The following CLCN6 variants were observed in gnomAD, a reference collection of about 807,000 sequenced individuals.
CLCN6 encodes the protein Cl-/H+ antiporter 6, also known as H(+)/Cl(-) exchange transporter 6.
A neutral mutation model predicts 109.8 loss-of-function variants in CLCN6; 70 were observed. The observed-to-expected ratio is 0.64, with a 90% CI of 0.53 to 0.78. CLCN6 has a LOEUF of 0.78. Ranked by LOEUF, CLCN6 falls within the 30% of genes least tolerant of loss-of-function variation. CLCN6 has a pLI of 0.00. For synonymous variants in CLCN6, 444 were observed against 447.8 expected, an observed-to-expected ratio of 0.99 and a Z score of 0.11; for missense variants, 984 against 1,142.3, an observed-to-expected ratio of 0.86 and a Z score of 2.00.
Position 11,834,442 on chromosome 1 carries a change from G to C in CLCN6, c.1687-42G>C. On this transcript the variant is annotated intron_variant, in intron 16 of 22. Coordinates refer to ENST00000346436, the MANE Select transcript of CLCN6 (RefSeq NM_001286.5). The surrounding 1 kb of genome is among the most constrained non-coding windows in gnomAD (Gnocchi z 4.5). ...CCCTGTCAGGCTCAGGGCCACGTCC[G>C]CCCCACAGGACCTATTTTTAGGTCT... The C allele has an allele frequency of 6.2e-7, 1 of 1,613,054 alleles. No individual in the cohort carries two copies. The highest frequency in any genetic ancestry group is 8.5e-7 in the Non-Finnish European group (1 of 1,179,252).
At chr1:11,817,330 AG>A (rs1297705407) in intron 4 of CLCN6, among the ~76,000 whole-genome samples, 2 of 152,198 alleles carry the variant, frequency 1.3e-5, no homozygotes, top group African/African-American at 4.8e-5. Context: ...GCCAGTGAAC[AG>A]GGTGGCACAC....
In CLCN6 at chr1:11,816,616, A is replaced by G. The variant is rs762110634; in HGVS notation, c.215A>G (p.Lys72Arg). ...LEVLETMDNK[K>R]GRRYEAVKWM... ...ATCATTCTTTTCCTGTGTGAACAGA[A>G]AGGTCGAAGATATGAGGCGGTGAAG... Residue 72 changes from lysine to arginine, a missense_variant and splice_region_variant, in exon 4 of 23, where the codon AAA becomes AGA. Transcript: ENST00000346436. The G allele has an allele frequency of 1.2e-5, 19 of 1,612,320 alleles. No homozygotes were observed. The Admixed American group carries it at 3.2e-4, about 27-fold the overall frequency.
intron 4 of CLCN6, among the ~76,000 whole-genome samples, chr1:11,817,983 C>G (rs1205570547): frequency 2.0e-5 from 3 of 151,930 alleles, no homozygotes; most frequent in Non-Finnish European, 4.4e-5. Flanking sequence ...GGTGTTGGGC[C>G]AGGGACGGTG....
chr1:11,822,831 T>G (rs752477818), intron 6 of CLCN6, 30 bp downstream of exon 6: 2 of 1,406,856 alleles, frequency 1.4e-6, no homozygotes, highest in Non-Finnish European at 2.0e-6. Context: ...CCTGCTCGCT[T>G]AGGAGGTTTT....
Position 11,827,232 on chromosome 1 carries a change from C to A in CLCN6, c.840+11C>A. 1 of 1,606,820 alleles carries A rather than the reference C, an allele frequency of 6.2e-7. No individual in the cohort carries two copies. The highest frequency in any genetic ancestry group is 8.5e-7 in the Non-Finnish European group (1 of 1,175,548). The stretch of plus-strand genomic sequence containing the variant: ...CTCACGTGGAAAGTGGTGAGGAGGA[C>A]CTTCAGTGAAAGCATTAACCACACC... On this transcript the variant is annotated intron_variant, in intron 10 of 22. Coordinates refer to ENST00000346436, the MANE Select transcript of CLCN6 (RefSeq NM_001286.5).
At chr1:11,820,521 T>A (rs1644727496) in intron 5 of CLCN6, 1 of 572,804 alleles carries the variant, frequency 1.7e-6, no homozygotes, top group Non-Finnish European at 3.2e-6. Context: ...AATCCCAGCA[T>A]TTTGGGAGGC....
At chr1:11,827,592 C>T (rs1644830043) in intron 10 of CLCN6, among the ~76,000 whole-genome samples, 1 of 129,976 alleles carries the variant, frequency 7.7e-6, no homozygotes, top group Admixed American at 7.3e-5. Context: ...CGTGCCACCG[C>T]ATCCAGCTAA....
intron 6 of CLCN6, among the ~76,000 whole-genome samples, chr1:11,823,419 A>G (rs1222587474): frequency 6.6e-6 from 1 of 151,980 alleles, no homozygotes; most frequent in Non-Finnish European, 1.5e-5. Flanking sequence ...GGAGGTTGCA[A>G]TGAGTGGAGA....
intron 22 of CLCN6, chr1:11,839,054 C>T (rs1017897036): frequency 4.0e-5 from 24 of 600,378 alleles, no homozygotes; most frequent in Non-Finnish European, 6.0e-5. Flanking sequence ...GTAATTATTG[C>T]TGCAGACTTT....
intron 9 of CLCN6, among the ~76,000 whole-genome samples, 200 bp downstream of exon 9, chr1:11,826,414 C>T (rs184388268): frequency 6.6e-6 from 1 of 152,314 alleles, no homozygotes; most frequent in Admixed American, 6.5e-5. Flanking sequence ...TTTTGTCATG[C>T]CGTAAGGCCT....
At chr1:11,817,229 A>ACT (rs1644684962) in intron 4 of CLCN6, among the ~76,000 whole-genome samples, 1 of 151,926 alleles carries the variant, frequency 6.6e-6, no homozygotes, top group Non-Finnish European at 1.5e-5. Flanking sequence ...AGTGGTTAGG[A>ACT]CTCTAGGCAG....
chr1:11,827,431 T>TG (rs2100640565), intron 10 of CLCN6, among the ~76,000 whole-genome samples: 1 of 97,546 alleles, frequency 1.0e-5, no homozygotes, highest in African/African-American at 6.1e-5. Flanking sequence ...CCGCTGTTAC[T>TG]TTTTTTTTTT....
intron 11 of CLCN6, 56 bp downstream of exon 11, chr1:11,828,275 C>G (rs1226887721): frequency 2.6e-6 from 4 of 1,519,400 alleles, no homozygotes; most frequent in Non-Finnish European, 3.7e-6. Flanking sequence ...AATTTCCTCT[C>G]AAGTGAAGGA....
chr1:11,836,801 A>G (rs1191574128), intron 18 of CLCN6, among the ~76,000 whole-genome samples, 198 bp from the exon 19 acceptor site: 2 of 152,154 alleles, frequency 1.3e-5, no homozygotes, highest in Non-Finnish European at 2.9e-5. Context: ...AAAGGAAACC[A>G]CAGAAGCTGC....
In CLCN6 at chr1:11,819,417, G is replaced by A. The variant is rs868590178; in HGVS notation, c.280-71G>A. On this transcript the variant is annotated intron_variant, in intron 4 of 22. Transcript: ENST00000346436. ...GTGGGGGAGGAGATGCCTTCAAGAG[G>A]AGCACACCTGTACTATACTTGTGCT... 6.5e-6 allele frequency: 9 copies of A among 1,379,100 alleles called. No individual in the cohort carries two copies. In the Middle Eastern group the frequency reaches 1.1e-3, roughly 164 times the overall value. 85.4% of individuals were successfully genotyped at this position (1,379,100 alleles called of 1,614,324 possible).
At position 11,837,146 on chromosome 1, in the gene CLCN6, C is replaced by A. The variant is rs150177184; in HGVS notation, c.2128C>A (p.Leu710Met). Reference protein sequence around the residue: ...AEKEDLLQQMLERRYTPYPNL... With the variant: ...AEKEDLLQQMMERRYTPYPNL... ...GAAGGAGGACCTCCTGCAGCAGATGCTGGAAAGGAGGTGAGAGCCTGGCGG... is the reference window on the plus strand; with the variant it reads ...GAAGGAGGACCTCCTGCAGCAGATGATGGAAAGGAGGTGAGAGCCTGGCGG... Residue 710 changes from leucine (L) to methionine (M), a missense_variant, in exon 19 of 23, where the codon CTG (leucine) becomes ATG (methionine). Physicochemically the swap from Leu to Met is conservative, Grantham distance 15. Transcript: ENST00000346436. 18 of 1,612,474 alleles carry A rather than the reference C, an allele frequency of 1.1e-5. No individual in the cohort carries two copies. The East Asian group carries it at 3.8e-4, about 34-fold the overall frequency.
At chr1:11,835,333 C>T (rs954695972) in intron 17 of CLCN6, among the ~76,000 whole-genome samples, 1 of 152,126 alleles carries the variant, frequency 6.6e-6, no homozygotes, top group Non-Finnish European at 1.5e-5. Flanking sequence ...AGTAGGGTGG[C>T]ATGATTATAG....
In CLCN6 at chr1:11,816,692, G is replaced by C; in HGVS notation, c.279+12G>C. On this transcript the variant is annotated intron_variant, in intron 4 of 22. Coordinates refer to ENST00000346436, the MANE Select transcript of CLCN6 (RefSeq NM_001286.5). Reference sequence around the variant, plus strand: ...TCTGCACTGGCCTGGTGAGGAGGCAGGGCCTGGAGGGATGGTGGGCCATAG... The same window carrying C: ...TCTGCACTGGCCTGGTGAGGAGGCACGGCCTGGAGGGATGGTGGGCCATAG... 1 of 1,609,230 alleles carries C rather than the reference G, an allele frequency of 6.2e-7. No homozygotes were observed. The highest frequency in any genetic ancestry group is 8.5e-7 in the Non-Finnish European group (1 of 1,177,386).
intron 12 of CLCN6, 104 bp downstream of exon 12, chr1:11,828,728 A>G: frequency 8.2e-7 from 1 of 1,215,390 alleles, no homozygotes; most frequent in Non-Finnish European, 1.2e-6. Context: ...CACGGCTTTG[A>G]TTTCTCATCT....
Sources: gnomAD v4.1 joint callset for allele counts (sites outside exome capture counted in the v4.1 genomes callset) on GRCh38, gnomAD v4.1.1 for gene constraint, Gnocchi (gnomAD v3.1) non-coding constraint, MANE v1.5 for transcripts, NCBI Gene and HGNC (gene_info 2026-07-23, HGNC 2026-07-21) for gene names.